CD59: variants seen among roughly 807,000 people sequenced by gnomAD.
CD59 encodes the protein CD59 glycoprotein.
In CD59, 3 loss-of-function variants were observed where a neutral mutation model predicts 7.0. The ratio of observed to expected loss-of-function variants is 0.43; its 90% confidence interval spans 0.19 to 1.10. The LOEUF is 1.10. Among genes scored for constraint, CD59 ranks in the 50% least tolerant of loss-of-function variants. The probability of loss-of-function intolerance (pLI) is 0.29; values close to 1 mark genes in which losing one functional copy is unlikely to be tolerated. For synonymous variants in CD59, 60 were observed against 62.0 expected (o/e 0.97, Z 0.15); for missense variants, 143 against 151.0 (o/e 0.95, Z 0.28).
In CD59 at chr11:33,706,888, A is replaced by G. The variant is rs1370495185; in HGVS notation, c.*3238T>C. Reference sequence around the variant, plus strand: ...CCAGGGACCCATTCTAGACTTTCCAAAGCTAGGCACATATTAAAGAGAGTA... The same window carrying G: ...CCAGGGACCCATTCTAGACTTTCCAGAGCTAGGCACATATTAAAGAGAGTA... On this transcript the variant is annotated 3_prime_UTR_variant, in exon 4 of 4. Transcript: ENST00000642928. 1 of 152,226 alleles carries G rather than the reference A, an allele frequency of 6.6e-6. No individual in the cohort carries two copies. Among genetic ancestry groups the G allele is most frequent in the Non-Finnish European group, 1.5e-5 (1 of 68,028 alleles). The allele number at this position is 152,226 out of a possible 1,614,324, so 9.4% of individuals were successfully genotyped here.
chr11:33,725,673 A>G (rs1854235519), intron 1 of CD59, among the ~76,000 whole-genome samples: 1 of 152,218 alleles, frequency 6.6e-6, no homozygotes, highest in Non-Finnish European at 1.5e-5. Context: ...CATCACAGGA[A>G]TAAGAAATAG....
At chr11:33,734,122 C>T (rs1052131668) in intron 1 of CD59, among the ~76,000 whole-genome samples, 47 of 152,356 alleles carry the variant, frequency 3.1e-4, no homozygotes, top group African/African-American at 1.0e-3. Flanking sequence ...GTCTGCGTGT[C>T]ACCTTGGAGA....
intron 1 of CD59, among the ~76,000 whole-genome samples, chr11:33,724,281 AAC>A (rs914717771): frequency 2.6e-5 from 4 of 152,240 alleles, no homozygotes; most frequent in Admixed American, 6.5e-5. Context: ...ACACTGCCAC[AAC>A]ACACAGGGCC....
Position 33,736,092 on chromosome 11 carries a change from GCTGCC to G in CD59, c.-19+285_-19+289del, listed in dbSNP as rs769451421. Reference sequence around the variant, plus strand: ...GCGATGGCAGGGGCCCGGGTGCGAGGCTGCCCCCGAGGGAATGGGGGGCGCGACGG... The same window carrying G: ...GCGATGGCAGGGGCCCGGGTGCGAGGCCCGAGGGAATGGGGGGCGCGACGG... On this transcript the variant is annotated intron_variant, in intron 1 of 3. Transcript: ENST00000642928. The surrounding 1 kb of genome is among the most constrained non-coding windows in gnomAD (Gnocchi z 4.4). 1.3e-5 allele frequency among the ~76,000 whole-genome samples: 2 copies of G among 152,148 alleles called. No homozygotes were observed. Among genetic ancestry groups the G allele is most frequent in the Non-Finnish European group, 2.9e-5 (2 of 68,010 alleles).
chr11:33,705,763 C>A lies in CD59; in HGVS notation c.*4363G>T, dbSNP rs1853283801. 6.6e-6 allele frequency: 1 copy of A among 152,170 alleles called. No homozygotes were observed. Among genetic ancestry groups the A allele is most frequent in the African/African-American group, 2.4e-5 (1 of 41,410 alleles). The allele number at this position is 152,170 out of a possible 1,614,324, so 9.4% of individuals were successfully genotyped here. On this transcript the variant is annotated 3_prime_UTR_variant, in exon 4 of 4. Coordinates refer to ENST00000642928, the MANE Select transcript of CD59 (RefSeq NM_000611.6). Reference sequence around the variant, plus strand: ...CCTCCCTTTCATATATACATATATCCTACTAATTCTGTCCCTCTGGAGAAC... The same window carrying A: ...CCTCCCTTTCATATATACATATATCATACTAATTCTGTCCCTCTGGAGAAC...
In CD59 at chr11:33,736,004, G is replaced by T. The variant is rs1854561901; in HGVS notation, c.-19+378C>A. ...GGGAGAGAGGAACTGCCGTGACCAC[G>T]GAGGGCTGGCCTTTCCCCCGGCGCA... On this transcript the variant is annotated intron_variant, in intron 1 of 3. Coordinates refer to ENST00000642928, the MANE Select transcript of CD59 (RefSeq NM_000611.6). This position sits in a 1 kb window ranked among gnomAD's most constrained non-coding sequence, Gnocchi z 4.4. 2.0e-5 allele frequency among the ~76,000 whole-genome samples: 3 copies of T among 152,206 alleles called. No homozygotes were observed. Among genetic ancestry groups the T allele is most frequent in the African/African-American group, 7.2e-5 (3 of 41,526 alleles).
intron 1 of CD59, among the ~76,000 whole-genome samples, chr11:33,728,430 C>T (rs141479623): frequency 0.022 from 3,405 of 152,294 alleles, 64 homozygotes; most frequent in Non-Finnish European, 0.039. Context: ...AAAGGATTCC[C>T]TATTTAATAA....
intron 3 of CD59, among the ~76,000 whole-genome samples, chr11:33,716,137 A>G (rs1294039539): frequency 6.6e-6 from 1 of 152,222 alleles, no homozygotes; most frequent in African/African-American, 2.4e-5. Context: ...TACAGAATCA[A>G]GAGCTCTGAA....
rs530017261 is a variant in CD59 at position 33,706,214 on chromosome 11, G to A, written c.*3912C>T. Reference sequence around the variant, plus strand: ...CACAGGCACCCACCTAGAAATTAAGGTACTGTGGTCATTTATCTTATCCCA... The same window carrying A: ...CACAGGCACCCACCTAGAAATTAAGATACTGTGGTCATTTATCTTATCCCA... On this transcript the variant is annotated 3_prime_UTR_variant, in exon 4 of 4. Transcript: ENST00000642928. The A allele has an allele frequency of 6.6e-6, 1 of 152,032 alleles. No individual in the cohort carries two copies. Among genetic ancestry groups the A allele is most frequent in the South Asian group, 2.1e-4 (1 of 4,768 alleles). 9.4% of individuals were successfully genotyped at this position (152,032 alleles called of 1,614,324 possible).
At chr11:33,731,097 T>A (rs1854402811) in intron 1 of CD59, among the ~76,000 whole-genome samples, 1 of 152,214 alleles carries the variant, frequency 6.6e-6, no homozygotes, top group Admixed American at 6.5e-5. Context: ...ATCAACTGTT[T>A]ATGTTATCGG....
intron 2 of CD59, among the ~76,000 whole-genome samples, chr11:33,719,870 G>A (rs1320661596): frequency 1.3e-5 from 2 of 152,232 alleles, no homozygotes; most frequent in African/African-American, 4.8e-5. Flanking sequence ...AAGGCGCAAA[G>A]ATGCAATTTT....
chr11:33,710,721 TTC>T (rs1853509949), intron 3 of CD59, among the ~76,000 whole-genome samples: 1 of 132,724 alleles, frequency 7.5e-6, no homozygotes, highest in Admixed American at 6.9e-5. Flanking sequence ...TCCTTTTCTT[TTC>T]TTTTTTTTTT....
At chr11:33,716,100 C>T (rs934553861) in intron 3 of CD59, among the ~76,000 whole-genome samples, 1 of 152,164 alleles carries the variant, frequency 6.6e-6, no homozygotes, top group African/African-American at 2.4e-5. Flanking sequence ...ATATGGTCTT[C>T]CAGTGGGGGC....
At chr11:33,722,345 G>A in intron 2 of CD59, 34 bp downstream of exon 2, 1 of 1,490,088 alleles carries the variant, frequency 6.7e-7, no homozygotes, top group East Asian at 2.3e-5. Context: ...GGCCAAGGCA[G>A]CCTAGATCCA....
At chr11:33,711,461 A>G in intron 3 of CD59, 1 of 697,364 alleles carries the variant, frequency 1.4e-6, no homozygotes, top group Non-Finnish European at 2.6e-6. Flanking sequence ...CTGAAGTGAG[A>G]GGATTGCCTG....
At position 33,705,592 on chromosome 11, in the gene CD59, T is replaced by C. The variant is rs1201160102; in HGVS notation, c.*4534A>G. 6.6e-6 allele frequency: 1 copy of C among 152,306 alleles called. No individual in the cohort carries two copies. The highest frequency in any genetic ancestry group is 6.5e-5 in the Admixed American group (1 of 15,276). 9.4% of individuals were successfully genotyped at this position (152,306 alleles called of 1,614,324 possible). A position where few individuals can be genotyped will look rare whatever the true frequency, so the allele number is the denominator to read the frequency against. On this transcript the variant is annotated 3_prime_UTR_variant, in exon 4 of 4. Transcript: ENST00000642928. The stretch of plus-strand genomic sequence containing the variant: ...GGCTCTTGGGCCTTTGGCCACAGAC[T>C]GAAGGCTGGCTGCACTGTCAGCTTC...
At chr11:33,726,725 C>T (rs1323389977) in intron 1 of CD59, among the ~76,000 whole-genome samples, 1 of 152,076 alleles carries the variant, frequency 6.6e-6, no homozygotes, top group Non-Finnish European at 1.5e-5. Flanking sequence ...TTCAAAAAAT[C>T]AATGAATCCA....
At chr11:33,723,809 T>A (rs1008188013) in intron 1 of CD59, among the ~76,000 whole-genome samples, 1 of 152,140 alleles carries the variant, frequency 6.6e-6, no homozygotes, top group Non-Finnish European at 1.5e-5. Context: ...TACAAGGAAC[T>A]GCTACAAGTG....
At chr11:33,713,634 C>T (rs1040853755) in intron 3 of CD59, among the ~76,000 whole-genome samples, 3 of 152,106 alleles carry the variant, frequency 2.0e-5, no homozygotes, top group African/African-American at 4.8e-5. Flanking sequence ...ACAGTAATTA[C>T]GCATTGGAAC....
Sources: gnomAD v4.1 joint callset for allele counts (sites outside exome capture counted in the v4.1 genomes callset) on GRCh38, gnomAD v4.1.1 for gene constraint, Gnocchi (gnomAD v3.1) non-coding constraint, MANE v1.5 for transcripts, NCBI Gene and HGNC (gene_info 2026-07-23, HGNC 2026-07-21) for gene names.